SYNPR: variants seen among roughly 807,000 people sequenced by gnomAD.
The protein encoded by SYNPR is synaptoporin.
Under a neutral mutation model 32.9 loss-of-function variants are expected in SYNPR, and 23 were observed. That is an observed-to-expected ratio of 0.70 (90% CI 0.50 to 0.99). The LOEUF is 0.99. SYNPR is among the 50% of genes least tolerant of loss of function. SYNPR has a pLI of 0.00. For missense variants in SYNPR, 318 were observed against 349.3 expected (o/e 0.91, Z 0.71); for synonymous variants, 146 against 135.9 (o/e 1.07, Z -0.52).
chr3:63,567,914 G>A (rs1419919910), intron 4 of SYNPR, among the ~76,000 whole-genome samples: 2 of 152,188 alleles, frequency 1.3e-5, no homozygotes, highest in Admixed American at 6.5e-5. Flanking sequence ...CAATTTATAT[G>A]CTATCTCAAG....
chr3:63,556,822 C>T, intron 4 of SYNPR, 81 bp downstream of exon 4: 1 of 1,349,956 alleles, frequency 7.4e-7, no homozygotes, highest in Non-Finnish European at 1.0e-6. Flanking sequence ...TTGGAGTTAC[C>T]TGAGCCCTCG....
intron 3 of SYNPR, among the ~76,000 whole-genome samples, chr3:63,540,891 T>TACACACACACACACAC (rs34925541): frequency 5.7e-5 from 7 of 122,936 alleles, no homozygotes; most frequent in African/African-American, 2.2e-4. Flanking sequence ...CTATCACTCC[T>TACACACACACACACAC]ACACACACAC....
chr3:63,408,305 AAGGAAGGAAG>A (rs1560221191), intron 2 of SYNPR, among the ~76,000 whole-genome samples: 25 of 111,800 alleles, frequency 2.2e-4, no homozygotes, highest in African/African-American at 9.8e-4. Flanking sequence ...GGAAGGAAGG[AAGGAAGGAAG>A]GAAGGAAAGA....
chr3:63,363,575 C>T (rs903429997), intron 2 of SYNPR, among the ~76,000 whole-genome samples: 1 of 152,210 alleles, frequency 6.6e-6, no homozygotes, highest in African/African-American at 2.4e-5. Flanking sequence ...CTGACATTGA[C>T]TCTGTGTGAT....
chr3:63,204,823 G>A, the SYNPR span, among the ~76,000 whole-genome samples: 1 of 152,194 alleles, frequency 6.6e-6, no homozygotes, highest in South Asian at 2.1e-4. Flanking sequence ...GAGTAGCTGG[G>A]ACTACAGGCA....
chr3:63,601,734 T>G lies in SYNPR; in HGVS notation c.409-7391T>G, dbSNP rs1700046674. ...GTCCTGTATATGTACCACATTTTCT[T>G]TAGCTAGTGTAGGTTGATTCCATGT... On this transcript the variant is annotated intron_variant, in intron 4 of 5. Coordinates refer to ENST00000478300, the MANE Select transcript of SYNPR (RefSeq NM_001130003.2). 1.3e-5 allele frequency among the ~76,000 whole-genome samples: 2 copies of G among 151,740 alleles called. 1 individual carries two copies. The highest frequency in any genetic ancestry group is 4.1e-4 in the South Asian group (2 of 4,826).
chr3:63,459,063 C>T (rs1180390875), intron 2 of SYNPR, among the ~76,000 whole-genome samples: 17 of 152,144 alleles, frequency 1.1e-4, no homozygotes, highest in Admixed American at 9.8e-4. Context: ...TCATTCAAGA[C>T]TTCCAGCACA....
rs866377700 is a variant in SYNPR, at chr3:63,524,870, T to A, written c.210-31673T>A. On this transcript the variant is annotated intron_variant, in intron 3 of 5. Coordinates refer to ENST00000478300, the MANE Select transcript of SYNPR (RefSeq NM_001130003.2). The stretch of plus-strand genomic sequence containing the variant: ...GTGTGTGCATGTGTGTGTGTGTGTG[T>A]GAGAGAGAGAGAGAGAGAGAGAGAG... Among the ~76,000 whole-genome samples the A allele has an allele frequency of 4.9e-3, 696 of 140,666 alleles. 4 individuals are homozygous for A. The highest frequency in any genetic ancestry group is 6.5e-3 in the Non-Finnish European group (430 of 66,034). The allele number at this position is 140,666 out of a possible 152,430, so 92.3% of individuals were successfully genotyped here.
upstream of SYNPR, among the ~76,000 whole-genome samples, chr3:63,227,052 T>C (rs1223065658): frequency 3.9e-5 from 6 of 152,106 alleles, no homozygotes; most frequent in Non-Finnish European, 8.8e-5. Context: ...AAAAGCAGGA[T>C]TGGAAAAAGA....
At chr3:63,405,763 T>C (rs889849408) in intron 2 of SYNPR, among the ~76,000 whole-genome samples, 1 of 152,118 alleles carries the variant, frequency 6.6e-6, no homozygotes, top group Non-Finnish European at 1.5e-5. Flanking sequence ...TGCCAGAGGA[T>C]AGAAGAGCAT....
At chr3:63,497,878 GT>G (rs942557928) in intron 3 of SYNPR, among the ~76,000 whole-genome samples, 13 of 152,276 alleles carry the variant, frequency 8.5e-5, no homozygotes, top group African/African-American at 2.2e-4. Context: ...ATGACTATGT[GT>G]TTCTGTAGTT....
intron 4 of SYNPR, among the ~76,000 whole-genome samples, chr3:63,601,640 T>C (rs1459603258): frequency 6.6e-6 from 1 of 152,208 alleles, no homozygotes; most frequent in Non-Finnish European, 1.5e-5. Flanking sequence ...AGGATTATGG[T>C]CTCCAGCTCC....
chr3:63,605,441 G>T (rs1291997428), intron 4 of SYNPR, among the ~76,000 whole-genome samples: 1 of 152,176 alleles, frequency 6.6e-6, no homozygotes, highest in African/African-American at 2.4e-5. Flanking sequence ...GTGTGCAAAG[G>T]TTTCCACACT....
intron 4 of SYNPR, among the ~76,000 whole-genome samples, chr3:63,598,249 G>T (rs894094294): frequency 2.6e-5 from 4 of 152,166 alleles, no homozygotes; most frequent in African/African-American, 9.7e-5. Flanking sequence ...GATGGAGACA[G>T]GTTTACCTGG....
At chr3:63,264,042 A>G (rs2086460844) in intron 2 of SYNPR, among the ~76,000 whole-genome samples, 1 of 152,184 alleles carries the variant, frequency 6.6e-6, no homozygotes, top group Non-Finnish European at 1.5e-5. Context: ...CCAAAGTCAC[A>G]CAGCCCTTAC....
intron 4 of SYNPR, among the ~76,000 whole-genome samples, chr3:63,573,572 T>C (rs1702927319): frequency 6.6e-6 from 1 of 152,210 alleles, no homozygotes; most frequent in Non-Finnish European, 1.5e-5. Flanking sequence ...TCATCATCAC[T>C]TTCTACGTCC....
At position 63,494,406 on chromosome 3, in the gene SYNPR, T is replaced by TATACACACAC. The variant is rs1553641139; in HGVS notation, c.209+13453_209+13454insCACACACATA. Among the ~76,000 whole-genome samples the TATACACACAC allele has an allele frequency of 9.7e-3, 1,148 of 118,640 alleles. 25 individuals carry two copies. The highest frequency in any genetic ancestry group is 0.038 in the African/African-American group (1,084 of 28,432). 77.8% of individuals were successfully genotyped at this position (118,640 alleles called of 152,430 possible). ...ATATGTTAATTCTTATATATATATATATATATATATACGTATATATATATA... is the reference window on the plus strand; with the variant it reads ...ATATGTTAATTCTTATATATATATATATACACACACATATATATATACGTATATATATATA... On this transcript the variant is annotated intron_variant, in intron 3 of 5. Transcript: ENST00000478300.
rs116836850 is a variant in SYNPR at position 63,343,832 on chromosome 3, C to T, written c.84+65090C>T. ...GATAACAAGGGTACAGTTTAATGTG[C>T]TACAGATGTCTGGGACGGTGACTCA... On this transcript the variant is annotated intron_variant, in intron 2 of 5. Coordinates refer to ENST00000478300, the MANE Select transcript of SYNPR (RefSeq NM_001130003.2). Among the ~76,000 whole-genome samples, 1,374 of 152,318 alleles carry T rather than the reference C, an allele frequency of 9.0e-3. 10 individuals carry two copies. Among genetic ancestry groups the T allele is most frequent in the Non-Finnish European group, 0.013 (887 of 68,036 alleles).
At position 63,556,748 on chromosome 3, in the gene SYNPR, G is replaced by C; in HGVS notation, c.408+7G>C. 1 of 1,596,966 alleles carries C rather than the reference G, an allele frequency of 6.3e-7. No homozygotes were observed. Among genetic ancestry groups the C allele is most frequent in the South Asian group, 1.1e-5 (1 of 88,240 alleles). ...CAACCGGGGCCCACTCATTGTAAGT[G>C]GTTTTCTTTTTCAAATAACTTTTTC... On this transcript the variant is annotated splice_region_variant and intron_variant, in intron 4 of 5. Transcript: ENST00000478300.
Sources: gnomAD v4.1 joint callset for allele counts (sites outside exome capture counted in the v4.1 genomes callset) on GRCh38, gnomAD v4.1.1 for gene constraint, MANE v1.5 for transcripts, NCBI Gene and HGNC (gene_info 2026-07-23, HGNC 2026-07-21) for gene names.